The following HCN1 variants were observed in gnomAD, a reference collection of about 807,000 sequenced individuals.
The protein encoded by HCN1 is hyperpolarization activated cyclic nucleotide gated potassium channel 1.
Under a neutral mutation model 78.9 loss-of-function variants are expected in HCN1, and 13 were observed. That is an observed-to-expected ratio of 0.16 (90% CI 0.11 to 0.26). The LOEUF (loss-of-function observed/expected upper bound fraction) is 0.26, where lower values mean the gene tolerates loss of function less well. Among genes scored for constraint, HCN1 ranks in the 10% least tolerant of loss-of-function variants. The pLI is 1.00. For synonymous variants in HCN1, 552 were observed against 455.5 expected (o/e 1.21, Z -2.70); for missense variants, 810 against 1,154.3 (o/e 0.70, Z 4.32).
At chr5:45,407,140 C>G (rs1739941549) in intron 3 of HCN1, among the ~76,000 whole-genome samples, 1 of 152,148 alleles carries the variant, frequency 6.6e-6, no homozygotes, top group South Asian at 2.1e-4. Flanking sequence ...TACAATCATG[C>G]ACCACATAAT....
chr5:45,640,790 G>A (rs1057384970), intron 2 of HCN1, among the ~76,000 whole-genome samples: 2 of 150,150 alleles, frequency 1.3e-5, no homozygotes, highest in African/African-American at 4.9e-5. Context: ...GGCCAGGCTG[G>A]TCTCGAACTC....
intron 5 of HCN1, among the ~76,000 whole-genome samples, chr5:45,315,484 C>T (rs1326323210): frequency 3.9e-5 from 6 of 152,068 alleles, no homozygotes; most frequent in Non-Finnish European, 7.4e-5. Flanking sequence ...AATTGACACC[C>T]TAACATCACA....
chr5:45,386,511 G>A (rs183432114), intron 4 of HCN1, among the ~76,000 whole-genome samples: 17 of 152,046 alleles, frequency 1.1e-4, no homozygotes, highest in African/African-American at 1.4e-4. Flanking sequence ...TCCTTTCTGC[G>A]CATCTACTTT....
intron 5 of HCN1, among the ~76,000 whole-genome samples, chr5:45,348,893 A>G (rs1746814616): frequency 6.6e-6 from 1 of 152,188 alleles, no homozygotes; most frequent in African/African-American, 2.4e-5. Context: ...GTGACCTACA[A>G]AGAGACTTAG....
At chr5:45,680,364 T>C (rs1179886745) in intron 1 of HCN1, among the ~76,000 whole-genome samples, 2 of 152,162 alleles carry the variant, frequency 1.3e-5, no homozygotes, top group East Asian at 1.9e-4. Flanking sequence ...TGATTATTTA[T>C]GATTTGAATT....
intron 1 of HCN1, among the ~76,000 whole-genome samples, chr5:45,666,430 AC>A (rs1162711924): frequency 6.6e-6 from 1 of 152,018 alleles, no homozygotes; most frequent in African/African-American, 2.4e-5. Context: ...TTAGGCAACA[AC>A]CGTGTCATTG....
Position 45,256,522 on chromosome 5 carries a change from CTT to C in HCN1, c.*5397_*5398del, listed in dbSNP as rs1744618266. The stretch of plus-strand genomic sequence containing the variant: ...AATAGAAATTAAAGAACTGGCTTCA[CTT>C]TTTTGTTTGTTTGGGTTTTTCTTGA... On this transcript the variant is annotated 3_prime_UTR_variant, in exon 8 of 8. Coordinates refer to ENST00000303230, the MANE Select transcript of HCN1 (RefSeq NM_021072.4). 1 of 152,042 alleles carries C rather than the reference CTT, an allele frequency of 6.6e-6. No individual in the cohort carries two copies. The highest frequency in any genetic ancestry group is 1.5e-5 in the Non-Finnish European group (1 of 68,054). The allele number at this position is 152,042 out of a possible 1,614,324, so 9.4% of individuals were successfully genotyped here.
chr5:45,529,272 C>A (rs980488844), intron 2 of HCN1, among the ~76,000 whole-genome samples: 1 of 151,918 alleles, frequency 6.6e-6, no homozygotes, highest in African/African-American at 2.4e-5. Context: ...TCCCTCATGC[C>A]ACCACTTTAT....
chr5:45,303,747 C>T lies in HCN1; in HGVS notation c.1470G>A (p.Lys490=), dbSNP rs930463222. ...DPNFVTAMLS[K]LRFEVFQPGD... ...CAGGTTGAAACACCTCAAATCTCAACTTGCTCAGCATGGCAGTCACAAAAT... is the reference window on the plus strand; with the variant it reads ...CAGGTTGAAACACCTCAAATCTCAATTTGCTCAGCATGGCAGTCACAAAAT... Residue 490 remains lysine, a synonymous_variant, in exon 6 of 8, where the codon AAG becomes AAA. Transcript: ENST00000303230. 1 of 1,613,718 alleles carries T rather than the reference C, an allele frequency of 6.2e-7. No individual in the cohort carries two copies. The highest frequency in any genetic ancestry group is 1.3e-5 in the African/African-American group (1 of 75,018).
chr5:45,334,153 G>A (rs1490253322), intron 5 of HCN1, among the ~76,000 whole-genome samples: 4 of 151,784 alleles, frequency 2.6e-5, no homozygotes, highest in African/African-American at 4.8e-5. Flanking sequence ...TATTTTAGTT[G>A]TATTTGCACA....
At chr5:45,683,236 T>C (rs1205980237) in intron 1 of HCN1, among the ~76,000 whole-genome samples, 1 of 152,170 alleles carries the variant, frequency 6.6e-6, no homozygotes, top group East Asian at 1.9e-4. Context: ...TAAATCATTT[T>C]TCTAATTCCA....
chr5:45,458,832 A>G (rs1450765111), intron 3 of HCN1, among the ~76,000 whole-genome samples: 2 of 152,128 alleles, frequency 1.3e-5, no homozygotes, highest in Non-Finnish European at 2.9e-5. Context: ...AGGACCAAAT[A>G]AGATAGCATC....
chr5:45,670,886 T>C (rs1746138580), intron 1 of HCN1, among the ~76,000 whole-genome samples: 1 of 151,738 alleles, frequency 6.6e-6, no homozygotes, highest in Non-Finnish European at 1.5e-5. Context: ...AAACAGCACA[T>C]TTTACAAAAC....
At position 45,497,339 on chromosome 5, in the gene HCN1, G is replaced by C. The variant is rs182076179; in HGVS notation, c.850-35332C>G. Among the ~76,000 whole-genome samples the C allele has an allele frequency of 1.0e-3, 157 of 152,294 alleles. 2 individuals are homozygous for C. Among genetic ancestry groups the C allele is most frequent in the Middle Eastern group, 6.8e-3 (2 of 294 alleles). ...CCATTATTAATGTGTGGGAGTCTAA[G>C]ATTCTTTGCAGGTCACTCAGGACTT... On this transcript the variant is annotated intron_variant, in intron 2 of 7. Transcript: ENST00000303230.
chr5:45,309,362 T>A (rs1292674238), intron 5 of HCN1, among the ~76,000 whole-genome samples: 1 of 152,152 alleles, frequency 6.6e-6, no homozygotes, highest in African/African-American at 2.4e-5. Context: ...CTTTATTTAC[T>A]TCTCTTTCCT....
chr5:45,261,802 G>T lies in HCN1; in HGVS notation c.*119C>A. On this transcript the variant is annotated 3_prime_UTR_variant, in exon 8 of 8. Transcript: ENST00000303230. ...TACATTTCACGTGTAGGCCACAGCT[G>T]TCTAAAATATCTCTTCATAGTAGGC... 7.9e-7 allele frequency: 1 copy of T among 1,264,458 alleles called. No homozygotes were observed. Among genetic ancestry groups the T allele is most frequent in the Non-Finnish European group, 1.1e-6 (1 of 872,864 alleles). 78.3% of individuals were successfully genotyped at this position (1,264,458 alleles called of 1,614,324 possible).
intron 4 of HCN1, among the ~76,000 whole-genome samples, chr5:45,369,808 G>A (rs989527265): frequency 3.9e-5 from 6 of 151,912 alleles, no homozygotes; most frequent in East Asian, 1.9e-4. Context: ...TGATTATTCC[G>A]GATCATGAGC....
intron 2 of HCN1, among the ~76,000 whole-genome samples, chr5:45,636,247 C>A (rs1745355421): frequency 1.3e-5 from 2 of 152,104 alleles, no homozygotes; most frequent in African/African-American, 2.4e-5. Context: ...ATTAAAGTAA[C>A]CCATGCTTAT....
chr5:45,303,515 T>C, intron 6 of HCN1, 84 bp downstream of exon 6: 2 of 1,431,298 alleles, frequency 1.4e-6, no homozygotes, highest in Non-Finnish European at 2.0e-6. Context: ...ACCAAAAAAC[T>C]GACATGCTGA....
Sources: allele counts gnomAD v4.1 joint callset (sites outside exome capture counted in the v4.1 genomes callset), GRCh38; gene constraint gnomAD v4.1.1; transcripts MANE v1.5; gene names NCBI Gene and HGNC (gene_info 2026-07-23, HGNC 2026-07-21).